Variants in LRBA observed in about 807,000 individuals in gnomAD.
LRBA encodes LPS responsive beige-like anchor protein.
In LRBA, 176 loss-of-function variants were observed where a neutral mutation model predicts 330.0. The ratio of observed to expected loss-of-function variants is 0.53; its 90% CI spans 0.47 to 0.60. The LOEUF (loss-of-function observed/expected upper bound fraction) is 0.60. Ranked by LOEUF, LRBA falls within the 20% of genes least tolerant of loss-of-function variation. LRBA has a pLI of 0.00. For synonymous variants in LRBA, 1,230 were observed against 1,193.0 expected, an observed-to-expected ratio of 1.03 and a Z score of -0.64; for missense variants, 3,259 against 3,444.8, an observed-to-expected ratio of 0.95 and a Z score of 1.35.
At chr4:150,773,767 T>G (rs970380092) in intron 34 of LRBA, among the ~76,000 whole-genome samples, 1 of 152,210 alleles carries the variant, frequency 6.6e-6, no homozygotes, top group Non-Finnish European at 1.5e-5. Context: ...ATTCCAACTA[T>G]GCATTCCAGA....
At chr4:150,761,326 T>G (rs532147976) in intron 35 of LRBA, among the ~76,000 whole-genome samples, 5 of 152,234 alleles carry the variant, frequency 3.3e-5, no homozygotes, top group African/African-American at 1.2e-4. Context: ...GTTCTTTAAG[T>G]AGAAAATATA....
chr4:150,489,247 T>TAA (rs1758419754), intron 41 of LRBA, among the ~76,000 whole-genome samples: 1 of 105,156 alleles, frequency 9.5e-6, no homozygotes, highest in Non-Finnish European at 1.7e-5. Context: ...TACGAATATA[T>TAA]AATATATTAT....
At chr4:150,405,872 T>C (rs1263166507) in intron 47 of LRBA, among the ~76,000 whole-genome samples, 5 of 147,702 alleles carry the variant, frequency 3.4e-5, no homozygotes, top group Admixed American at 6.9e-5. Flanking sequence ...TTGGGCAACA[T>C]AGTGAGACCT....
chr4:150,832,642 G>T (rs1197269336), intron 28 of LRBA, among the ~76,000 whole-genome samples: 1 of 151,742 alleles, frequency 6.6e-6, no homozygotes, highest in African/African-American at 2.4e-5. Flanking sequence ...ATGATATGAG[G>T]ATAACTGGTT....
In LRBA at chr4:150,867,769, C is replaced by T. The variant is rs141892801; in HGVS notation, c.2668G>A (p.Val890Ile). 13 of 1,613,598 alleles carry T rather than the reference C, an allele frequency of 8.1e-6. No individual in the cohort carries two copies. The Admixed American group carries it at 1.0e-4, about 12-fold the overall frequency. ...NSDEQKITEM[V>I]YAIFRILLYH... is the part of the protein sequence containing the mutation. ...AGCAGGATTCTGAATATGGCGTATA[C>T]CATTTCTGTTATCTTTTGCTCATCT... Residue 890 changes from valine to isoleucine, a missense_variant, in exon 22 of 57, where the codon GTA (valine) becomes ATA (isoleucine). Val to Ile is a conservative substitution (Grantham distance 29, BLOSUM62 3). Transcript: ENST00000651943.
chr4:150,509,759 C>G (rs1241671891), intron 40 of LRBA, among the ~76,000 whole-genome samples: 2 of 152,068 alleles, frequency 1.3e-5, no homozygotes, highest in Admixed American at 1.3e-4. Context: ...GACATCAAAA[C>G]AGATTTTTAG....
chr4:150,872,619 A>C (rs772055999), intron 18 of LRBA, 44 bp downstream of exon 18: 1 of 1,237,656 alleles, frequency 8.1e-7, no homozygotes, highest in African/African-American at 1.5e-5. Flanking sequence ...TATAAAATAA[A>C]TAAGTAGAAT....
At chr4:150,621,812 A>C (rs1322019094) in intron 37 of LRBA, among the ~76,000 whole-genome samples, 1 of 152,206 alleles carries the variant, frequency 6.6e-6, no homozygotes, top group Non-Finnish European at 1.5e-5. Flanking sequence ...GGAGGACAGA[A>C]TGCAATAAAA....
chr4:150,688,321 T>A (rs1714864380), intron 36 of LRBA, among the ~76,000 whole-genome samples: 1 of 152,138 alleles, frequency 6.6e-6, no homozygotes, highest in Admixed American at 6.5e-5. Flanking sequence ...GATTAAAGAT[T>A]TAAACGTAAG....
chr4:150,622,937 TC>T (rs1776454671), intron 37 of LRBA, among the ~76,000 whole-genome samples: 1 of 152,090 alleles, frequency 6.6e-6, no homozygotes, highest in Admixed American at 6.5e-5. Context: ...GACCTCGTGA[TC>T]CACCCGCCTC....
chr4:150,374,159 C>T (rs527408233), intron 47 of LRBA, among the ~76,000 whole-genome samples: 11 of 152,234 alleles, frequency 7.2e-5, no homozygotes, highest in South Asian at 2.1e-4. Context: ...CTTTTATGTA[C>T]GGATGAAACG....
chr4:150,375,277 C>T (rs1450156534), intron 47 of LRBA, among the ~76,000 whole-genome samples: 2 of 152,068 alleles, frequency 1.3e-5, no homozygotes, highest in Non-Finnish European at 2.9e-5. Flanking sequence ...AGTGATCAGC[C>T]CTACAAGGCA....
At position 150,513,070 on chromosome 4, in the gene LRBA, A is replaced by G. The variant is rs1761995791; in HGVS notation, c.6331-22035T>C. Among the ~76,000 whole-genome samples the G allele has an allele frequency of 2.0e-5, 3 of 152,238 alleles. No individual in the cohort carries two copies. In the South Asian group the frequency reaches 6.2e-4, roughly 31 times the overall value. ...GATGTTAAATACGTACAGTCAATTT[A>G]AAGTTTGAAATCAGCAAGACCTGTC... On this transcript the variant is annotated intron_variant, in intron 40 of 56. Coordinates refer to ENST00000651943, the MANE Select transcript of LRBA (RefSeq NM_001364905.1).
chr4:150,773,805 C>T (rs189101132), intron 34 of LRBA, among the ~76,000 whole-genome samples: 3 of 152,238 alleles, frequency 2.0e-5, no homozygotes, highest in Admixed American at 1.3e-4. Flanking sequence ...AAGATGAATT[C>T]GAAGACTCAC....
chr4:151,001,377 T>TA lies in LRBA; in HGVS notation c.216+13049dup, dbSNP rs1743306374. Reference sequence around the variant, plus strand: ...GCCTGGGAACCACCCTGTCCCTTCTTACCACAGTAGGTGTCTGCACATATT... The same window carrying TA: ...GCCTGGGAACCACCCTGTCCCTTCTTAACCACAGTAGGTGTCTGCACATATT... On this transcript the variant is annotated intron_variant, in intron 2 of 56. Transcript: ENST00000651943. Among the ~76,000 whole-genome samples the TA allele has an allele frequency of 2.0e-5, 3 of 152,198 alleles. No individual in the cohort carries two copies. In the South Asian group the frequency reaches 6.2e-4, roughly 32 times the overall value.
chr4:150,930,449 TG>T (rs1318334015), intron 2 of LRBA, among the ~76,000 whole-genome samples: 1 of 151,912 alleles, frequency 6.6e-6, no homozygotes, highest in Non-Finnish European at 1.5e-5. Context: ...GTCAAGATCA[TG>T]CCATTGAGCT....
chr4:150,383,148 A>G (rs753164622), intron 47 of LRBA, among the ~76,000 whole-genome samples: 3 of 152,264 alleles, frequency 2.0e-5, no homozygotes, highest in Admixed American at 1.3e-4. Context: ...ATCTGATAGT[A>G]GTGCTCAAAG....
At chr4:150,818,675 A>C (rs1744978424) in intron 30 of LRBA, among the ~76,000 whole-genome samples, 1 of 152,020 alleles carries the variant, frequency 6.6e-6, no homozygotes. Flanking sequence ...CCATTGCTTA[A>C]GAAAATCACT....
chr4:150,357,725 G>A (rs902645893), intron 47 of LRBA, among the ~76,000 whole-genome samples: 1 of 149,332 alleles, frequency 6.7e-6, no homozygotes, highest in Non-Finnish European at 1.5e-5. Context: ...TTTCTTTTAT[G>A]TGTTTGCATT....
Sources: gnomAD v4.1 joint callset for allele counts (sites outside exome capture counted in the v4.1 genomes callset) on GRCh38, gnomAD v4.1.1 for gene constraint, MANE v1.5 for transcripts, NCBI Gene and HGNC (gene_info 2026-07-23, HGNC 2026-07-21) for gene names.